SEMA4B: variants seen among roughly 807,000 people sequenced by gnomAD.
SEMA4B encodes semaphorin-4B.
In SEMA4B, 55 loss-of-function variants were observed where a neutral mutation model predicts 88.1. The observed-to-expected ratio is 0.62, with a 90% CI of 0.50 to 0.78. The LOEUF is 0.78. SEMA4B is among the 30% of genes least tolerant of loss of function. The probability of loss-of-function intolerance (pLI) is 0.00; values close to 1 mark genes in which losing one functional copy is unlikely to be tolerated. For missense variants in SEMA4B, 1,062 were observed against 1,111.9 expected, an observed-to-expected ratio of 0.96 and a Z score of 0.64; for synonymous variants, 525 against 473.6, an observed-to-expected ratio of 1.11 and a Z score of -1.41.
At chr15:90,226,352 TTTATC>T (rs758768849) in intron 12 of SEMA4B, among the ~76,000 whole-genome samples, 84 of 152,192 alleles carry the variant, frequency 5.5e-4, no homozygotes, top group Non-Finnish European at 9.1e-4. Context: ...TTTCATTTCA[TTTATC>T]TTGTTTGGAG....
At chr15:90,211,486 G>A (rs1171271783) in intron 1 of SEMA4B, among the ~76,000 whole-genome samples, 1 of 152,198 alleles carries the variant, frequency 6.6e-6, no homozygotes, top group Non-Finnish European at 1.5e-5. Flanking sequence ...CTGGCACTGG[G>A]CTGGTGTCAG....
chr15:90,229,624 G>A lies in SEMA4B; in HGVS notation c.*981G>A. The A allele has an allele frequency of 3.0e-6, 1 of 332,806 alleles. No individual in the cohort carries two copies. The highest frequency in any genetic ancestry group is 5.9e-6 in the Non-Finnish European group (1 of 169,592). The allele number at this position is 332,806 out of a possible 1,614,324, so 20.6% of individuals were successfully genotyped here. A position where few individuals can be genotyped will look rare whatever the true frequency, so the allele number is the denominator to read the frequency against. ...CATTTTTTAATAAGATGCACTTTAT[G>A]TCATTTTTTAATAAAGTCTGAAGAA... On this transcript the variant is annotated 3_prime_UTR_variant, in exon 14 of 14. Transcript: ENST00000411539.
intron 1 of SEMA4B, among the ~76,000 whole-genome samples, chr15:90,203,413 CT>C (rs2151595650): frequency 6.6e-6 from 1 of 152,316 alleles, no homozygotes; most frequent in Admixed American, 6.5e-5. Flanking sequence ...ATGGACTCCA[CT>C]TATGGCCTTG....
intron 1 of SEMA4B, among the ~76,000 whole-genome samples, chr15:90,189,244 A>G (rs1311150914): frequency 2.6e-5 from 4 of 152,118 alleles, no homozygotes; most frequent in African/African-American, 9.7e-5. Flanking sequence ...AGAAGGAAGG[A>G]TAAACATTGG....
chr15:90,217,629 A>C, intron 2 of SEMA4B, 27 bp downstream of exon 2: 3 of 1,612,008 alleles, frequency 1.9e-6, no homozygotes, highest in Non-Finnish European at 2.5e-6. Context: ...GGAGCTGGCT[A>C]GGCTGGGCAG....
At chr15:90,192,265 C>T (rs1328041933) in intron 1 of SEMA4B, among the ~76,000 whole-genome samples, 1 of 152,248 alleles carries the variant, frequency 6.6e-6, no homozygotes, top group African/African-American at 2.4e-5. Flanking sequence ...AACAAAGCAA[C>T]AACTCCCAGA....
intron 1 of SEMA4B, among the ~76,000 whole-genome samples, chr15:90,202,973 C>T (rs1250760497): frequency 6.6e-6 from 1 of 152,184 alleles, no homozygotes; most frequent in Non-Finnish European, 1.5e-5. Context: ...CAAATGCTAC[C>T]TCAGCCACTT....
Position 90,221,598 on chromosome 15 carries a change from G to A in SEMA4B, c.710-16G>A. The A allele has an allele frequency of 1.2e-6, 2 of 1,613,856 alleles. No individual in the cohort carries two copies. The highest frequency in any genetic ancestry group is 1.7e-6 in the Non-Finnish European group (2 of 1,179,798). ...GTTCCTGGGCTGACTCTGAGCTCCTGACCTGGTCCCTACAGACCCAGCTTT... is the reference window on the plus strand; with the variant it reads ...GTTCCTGGGCTGACTCTGAGCTCCTAACCTGGTCCCTACAGACCCAGCTTT... On this transcript the variant is annotated splice_polypyrimidine_tract_variant and intron_variant, in intron 6 of 13. Coordinates refer to ENST00000411539, the MANE Select transcript of SEMA4B (RefSeq NM_198925.4).
chr15:90,200,221 A>C (rs2151591207), upstream of SEMA4B, among the ~76,000 whole-genome samples: 1 of 152,288 alleles, frequency 6.6e-6, no homozygotes, highest in East Asian at 1.9e-4. Context: ...AGAGGAAAAG[A>C]GGTGCTCTGA....
upstream of SEMA4B, among the ~76,000 whole-genome samples, chr15:90,198,682 G>A (rs1960595019): frequency 6.6e-6 from 1 of 152,116 alleles, no homozygotes; most frequent in Non-Finnish European, 1.5e-5. Context: ...AGGCCCTGCT[G>A]GTTCGGGCTA....
intron 1 of SEMA4B, among the ~76,000 whole-genome samples, chr15:90,196,314 T>G (rs1332853414): frequency 6.6e-6 from 1 of 152,124 alleles, no homozygotes; most frequent in African/African-American, 2.4e-5. Flanking sequence ...TCTAATTGGT[T>G]AAGATTGAGG....
Position 90,221,663 on chromosome 15 carries a change from G to A in SEMA4B, c.759G>A (p.Leu253=). The A allele has an allele frequency of 3.1e-6, 5 of 1,614,050 alleles. No homozygotes were observed. The highest frequency in any genetic ancestry group is 4.2e-6 in the Non-Finnish European group (5 of 1,179,910). ...SAYIPESLGS[L]QGDDDKIYFF... is the part of the protein sequence containing the mutation. Reference sequence around the variant, plus strand: ...ACATTCCTGAGAGCCTGGGCAGCTTGCAAGGCGATGATGACAAGATCTACT... The same window carrying A: ...ACATTCCTGAGAGCCTGGGCAGCTTACAAGGCGATGATGACAAGATCTACT... Residue 253 remains leucine, a synonymous_variant, in exon 7 of 14, where the codon TTG becomes TTA. Transcript: ENST00000411539.
Position 90,228,519 on chromosome 15 carries a change from C to T in SEMA4B, c.2390C>T (p.Ser797Phe). 6.2e-7 allele frequency: 1 copy of T among 1,611,744 alleles called. No individual in the cohort carries two copies. Among genetic ancestry groups the T allele is most frequent in the South Asian group, 1.1e-5 (1 of 90,916 alleles). The change falls in exon 14 of 14, where the codon TCC becomes TTC. Residue 797 changes from serine (S) to phenylalanine (F), a missense_variant. Physicochemically the swap from Ser to Phe is radical, Grantham distance 155 (BLOSUM62 -2). Coordinates refer to ENST00000411539, the MANE Select transcript of SEMA4B (RefSeq NM_198925.4). Reference protein sequence around the residue: ...YQSLSDSPPGSRVFTESEKRP... With the variant: ...YQSLSDSPPGFRVFTESEKRP... Reference sequence around the variant, plus strand: ...TCCCTGTCAGACAGCCCCCCGGGGTCCCGAGTCTTCACTGAGTCAGAGAAG... The same window carrying T: ...TCCCTGTCAGACAGCCCCCCGGGGTTCCGAGTCTTCACTGAGTCAGAGAAG...
Position 90,221,747 on chromosome 15 carries a change from C to T in SEMA4B, c.843C>T (p.Arg281=). ...FEFFENTIVS[R]IARICKGDEG... is the part of the protein sequence containing the mutation. Reference sequence around the variant, plus strand: ...TCTTTGAGAACACCATTGTGTCCCGCATTGCCCGCATCTGCAAGGTGAGGG... The same window carrying T: ...TCTTTGAGAACACCATTGTGTCCCGTATTGCCCGCATCTGCAAGGTGAGGG... The change falls in exon 7 of 14, where the codon CGC becomes CGT. Residue 281 remains arginine, a synonymous_variant. Transcript: ENST00000411539. 5 of 1,613,910 alleles carry T rather than the reference C, an allele frequency of 3.1e-6. No individual in the cohort carries two copies. Among genetic ancestry groups the T allele is most frequent in the Non-Finnish European group, 4.2e-6 (5 of 1,179,868 alleles).
At chr15:90,219,601 G>A in intron 3 of SEMA4B, 192 bp from the exon 4 acceptor site, 1 of 565,728 alleles carries the variant, frequency 1.8e-6, no homozygotes, top group Non-Finnish European at 3.1e-6. Flanking sequence ...TGGGCTCCCT[G>A]CAGCACACAC....
chr15:90,224,923 CA>C, intron 9 of SEMA4B, 44 bp from the exon 10 acceptor site: 3 of 1,543,142 alleles, frequency 1.9e-6, no homozygotes, highest in Non-Finnish European at 2.7e-6. Context: ...TCCTGCCTGC[CA>C]CCCCGAGGTG....
At chr15:90,206,934 T>C in intron 1 of SEMA4B, 2 of 645,676 alleles carry the variant, frequency 3.1e-6, no homozygotes, top group Admixed American at 4.4e-5. Context: ...AGGCCAAGCA[T>C]GTCATCAGAG....
chr15:90,205,801 G>A (rs1027054779), intron 1 of SEMA4B, among the ~76,000 whole-genome samples: 5 of 152,212 alleles, frequency 3.3e-5, no homozygotes, highest in Admixed American at 3.3e-4. Context: ...TGGTAGAAAA[G>A]ACAAAGCAAG....
rs1229466182 is a variant in SEMA4B at position 90,221,350 on chromosome 15, G to A, written c.596-17G>A. On this transcript the variant is annotated splice_polypyrimidine_tract_variant and intron_variant, in intron 5 of 13. Transcript: ENST00000411539. ...CGTGCTGAGGAGCCCATTCCCATGG[G>A]AATGTTTTCTTGGCAGATGGCGAGC... is the stretch of plus-strand genomic sequence containing the variant. 2.9e-6 allele frequency: 4 copies of A among 1,400,438 alleles called. No homozygotes were observed. The highest frequency in any genetic ancestry group is 1.9e-4 in the Middle Eastern group (1 of 5,288). 86.8% of individuals were successfully genotyped at this position (1,400,438 alleles called of 1,614,324 possible).
Sources: allele counts gnomAD v4.1 joint callset (sites outside exome capture counted in the v4.1 genomes callset), GRCh38; gene constraint gnomAD v4.1.1; transcripts MANE v1.5; gene names NCBI Gene and HGNC (gene_info 2026-07-23, HGNC 2026-07-21).